Variants in CNTNAP2 observed in about 807,000 individuals in gnomAD.
CNTNAP2 encodes contactin-associated protein-like 2.
In CNTNAP2, 98 loss-of-function variants were observed where a neutral mutation model predicts 155.2. The observed-to-expected ratio is 0.63, with a 90% CI of 0.54 to 0.75. The LOEUF (loss-of-function observed/expected upper bound fraction) is 0.75, where lower values mean the gene tolerates loss of function less well. CNTNAP2 is among the 30% of genes least tolerant of loss of function. The pLI is 0.00. For missense variants in CNTNAP2, 1,727 were observed against 1,688.1 expected (o/e 1.02, Z -0.40); for synonymous variants, 651 against 631.2 (o/e 1.03, Z -0.47).
chr7:147,488,772 G>A (rs1798554306), intron 11 of CNTNAP2, among the ~76,000 whole-genome samples: 1 of 152,102 alleles, frequency 6.6e-6, no homozygotes. Flanking sequence ...ACTCTGCCTT[G>A]TGTTGACTTT....
At position 147,842,713 on chromosome 7, in the gene CNTNAP2, G is replaced by C. The variant is rs1328684043; in HGVS notation, c.2099-60852G>C. Among the ~76,000 whole-genome samples the C allele has an allele frequency of 2.7e-3, 262 of 97,926 alleles. 2 individuals are homozygous for C. Among genetic ancestry groups the C allele is most frequent in the African/African-American group, 9.2e-3 (229 of 25,004 alleles). 64.2% of individuals were successfully genotyped at this position (97,926 alleles called of 152,430 possible). Reference sequence around the variant, plus strand: ...CCCACTAACGTGTCATCTAGCATTAGGTATATCTCCCAATGCTATCCCTCC... The same window carrying C: ...CCCACTAACGTGTCATCTAGCATTACGTATATCTCCCAATGCTATCCCTCC... On this transcript the variant is annotated intron_variant, in intron 13 of 23. Transcript: ENST00000361727.
intron 21 of CNTNAP2, among the ~76,000 whole-genome samples, chr7:148,311,727 T>C (rs1430824298): frequency 6.6e-6 from 1 of 152,200 alleles, no homozygotes. Flanking sequence ...AGAGGCAGGC[T>C]AGTGGCTTGT....
At chr7:147,020,800 T>C (rs1798805157) in intron 3 of CNTNAP2, among the ~76,000 whole-genome samples, 1 of 152,122 alleles carries the variant, frequency 6.6e-6, no homozygotes, top group Non-Finnish European at 1.5e-5. Context: ...CAATTGAATA[T>C]TTCCTTCATC....
At chr7:147,926,515 A>G (rs1402352588) in intron 14 of CNTNAP2, among the ~76,000 whole-genome samples, 1 of 152,226 alleles carries the variant, frequency 6.6e-6, no homozygotes, top group Non-Finnish European at 1.5e-5. Context: ...AAATTCAAAG[A>G]AAATTAAAGT....
At chr7:146,918,832 T>C (rs1796445105) in intron 3 of CNTNAP2, among the ~76,000 whole-genome samples, 1 of 152,240 alleles carries the variant, frequency 6.6e-6, no homozygotes, top group African/African-American at 2.4e-5. Flanking sequence ...TTAGGTTTGG[T>C]CATTTACCAT....
At chr7:147,910,681 G>A (rs1336130165) in intron 14 of CNTNAP2, among the ~76,000 whole-genome samples, 3 of 152,160 alleles carry the variant, frequency 2.0e-5, no homozygotes, top group African/African-American at 7.2e-5. Context: ...CATGGCTGCA[G>A]GCAAGAGAAC....
intron 20 of CNTNAP2, among the ~76,000 whole-genome samples, chr7:148,250,663 T>G (rs1235114283): frequency 1.3e-5 from 2 of 152,146 alleles, no homozygotes; most frequent in Non-Finnish European, 2.9e-5. Flanking sequence ...ATGGTTGGGT[T>G]CAGCTAGCAG....
chr7:148,127,333 G>A (rs10270430), intron 16 of CNTNAP2, among the ~76,000 whole-genome samples: 1,838 of 152,236 alleles, frequency 0.012, 44 homozygotes, highest in African/African-American at 0.042. Context: ...TTGTGAAGGG[G>A]ATTTTTGGAG....
intron 8 of CNTNAP2, among the ~76,000 whole-genome samples, chr7:147,251,880 G>A (rs1240471127): frequency 6.6e-6 from 1 of 152,102 alleles, no homozygotes; most frequent in East Asian, 1.9e-4. Flanking sequence ...AGATGCAGAT[G>A]TTTTAAATCA....
At chr7:146,953,757 G>A (rs117854287) in intron 3 of CNTNAP2, among the ~76,000 whole-genome samples, 1,897 of 151,868 alleles carry the variant, frequency 0.012, 15 homozygotes, top group Admixed American at 0.021. Context: ...AGCAAATGCC[G>A]ACTGATTGAA....
chr7:146,428,530 G>C (rs1006262537), intron 1 of CNTNAP2, among the ~76,000 whole-genome samples: 2 of 151,336 alleles, frequency 1.3e-5, no homozygotes, highest in Non-Finnish European at 2.9e-5. Context: ...ATGTTTGTTG[G>C]CATATGTATG....
At chr7:146,568,050 A>G (rs1380068054) in intron 1 of CNTNAP2, among the ~76,000 whole-genome samples, 1 of 152,200 alleles carries the variant, frequency 6.6e-6, no homozygotes, top group Non-Finnish European at 1.5e-5. Flanking sequence ...TAGCACCTAG[A>G]TTCTGACCTA....
At chr7:148,083,233 C>G (rs1010284455) in intron 15 of CNTNAP2, among the ~76,000 whole-genome samples, 1 of 152,074 alleles carries the variant, frequency 6.6e-6, no homozygotes, top group African/African-American at 2.4e-5. Context: ...GGAAGACGCT[C>G]AAAAATAATG....
chr7:147,892,900 T>C (rs1799716820), intron 13 of CNTNAP2, among the ~76,000 whole-genome samples: 1 of 152,234 alleles, frequency 6.6e-6, no homozygotes, highest in Non-Finnish European at 1.5e-5. Context: ...ACTGCATTTA[T>C]TTCTATTCAC....
intron 1 of CNTNAP2, among the ~76,000 whole-genome samples, chr7:146,669,143 A>G (rs1800252808): frequency 6.6e-6 from 1 of 152,182 alleles, no homozygotes; most frequent in East Asian, 1.9e-4. Context: ...TAAAAAATTC[A>G]GAAACTTTAT....
At chr7:148,300,792 T>C (rs1401316227) in intron 21 of CNTNAP2, among the ~76,000 whole-genome samples, 1 of 152,170 alleles carries the variant, frequency 6.6e-6, no homozygotes, top group African/African-American at 2.4e-5. Context: ...TATGATTCCA[T>C]TTCTATGAGA....
chr7:146,875,709 C>G (rs1562982867), intron 3 of CNTNAP2, among the ~76,000 whole-genome samples: 1 of 151,646 alleles, frequency 6.6e-6, no homozygotes, highest in Non-Finnish European at 1.5e-5. Context: ...TACTGGTGGC[C>G]TAAAACCCAG....
intron 3 of CNTNAP2, among the ~76,000 whole-genome samples, chr7:146,920,764 A>C (rs1796482924): frequency 6.6e-6 from 1 of 152,192 alleles, no homozygotes; most frequent in South Asian, 2.1e-4. Flanking sequence ...TCACTTTGGA[A>C]ATGCCTTTGC....
chr7:146,474,210 A>T (rs1484373431), intron 1 of CNTNAP2, among the ~76,000 whole-genome samples: 3 of 150,056 alleles, frequency 2.0e-5, no homozygotes, highest in East Asian at 1.9e-4. Context: ...AAGTGCATTT[A>T]TTTTTTTTTA....
Sources: gnomAD v4.1 joint callset for allele counts (sites outside exome capture counted in the v4.1 genomes callset) on GRCh38, gnomAD v4.1.1 for gene constraint, MANE v1.5 for transcripts, NCBI Gene and HGNC (gene_info 2026-07-23, HGNC 2026-07-21) for gene names.